Variants in DAG1 observed in about 807,000 individuals in gnomAD.
DAG1 encodes dystroglycan 1 (dystrophin-associated glycoprotein 1).
Under a neutral mutation model 46.1 loss-of-function variants are expected in DAG1, and 8 were observed. The ratio of observed to expected loss-of-function variants is 0.17; its 90% CI spans 0.10 to 0.31. DAG1 has a LOEUF of 0.31. Ranked by LOEUF, DAG1 falls within the 10% of genes least tolerant of loss-of-function variation. The probability of loss-of-function intolerance (pLI) is 1.00; values close to 1 mark genes in which losing one functional copy is unlikely to be tolerated. For missense variants in DAG1, 1,003 were observed against 1,189.9 expected (o/e 0.84, Z 2.31); for synonymous variants, 495 against 481.8 (o/e 1.03, Z -0.36).
At chr3:49,503,108 A>G (rs2050502863) in intron 1 of DAG1, among the ~76,000 whole-genome samples, 1 of 151,834 alleles carries the variant, frequency 6.6e-6, no homozygotes, top group Non-Finnish European at 1.5e-5. Flanking sequence ...ATCTCTCCAT[A>G]TATGTTTGCA....
At chr3:49,481,226 A>G (rs960789349) in intron 1 of DAG1, among the ~76,000 whole-genome samples, 12 of 148,630 alleles carry the variant, frequency 8.1e-5, no homozygotes, top group African/African-American at 3.0e-4. Context: ...CGTCTCTACT[A>G]AAAATACAAA....
chr3:49,508,321 C>T (rs772668270), intron 1 of DAG1, among the ~76,000 whole-genome samples: 1 of 151,554 alleles, frequency 6.6e-6, no homozygotes, highest in African/African-American at 2.4e-5. Context: ...CCTGCTTCAG[C>T]CTCCCGAGTA....
At chr3:49,493,938 C>T (rs1329719050) in intron 1 of DAG1, among the ~76,000 whole-genome samples, 1 of 152,230 alleles carries the variant, frequency 6.6e-6, no homozygotes, top group Non-Finnish European at 1.5e-5. Context: ...TTTGGCTCTT[C>T]TGCTCTAGCT....
intron 1 of DAG1, among the ~76,000 whole-genome samples, chr3:49,471,412 C>T (rs1445513241): frequency 6.6e-6 from 1 of 152,174 alleles, no homozygotes; most frequent in Non-Finnish European, 1.5e-5. Context: ...AGGTTCTATG[C>T]TTAGTTAAGT....
At chr3:49,509,295 T>TC (rs1234317669) in intron 1 of DAG1, among the ~76,000 whole-genome samples, 1 of 152,122 alleles carries the variant, frequency 6.6e-6, no homozygotes, top group Non-Finnish European at 1.5e-5. Flanking sequence ...ACTAGCTGAG[T>TC]GGAGTGGTGT....
chr3:49,492,427 G>A (rs559622876), intron 1 of DAG1, among the ~76,000 whole-genome samples: 3 of 152,240 alleles, frequency 2.0e-5, no homozygotes, highest in African/African-American at 7.2e-5. Context: ...TGGGAGAATT[G>A]CTTGAGCCTA....
chr3:49,480,980 C>T (rs2049863401), intron 1 of DAG1, among the ~76,000 whole-genome samples: 1 of 144,382 alleles, frequency 6.9e-6, no homozygotes, highest in South Asian at 2.2e-4. Flanking sequence ...CCAGGACGGT[C>T]TCGATCTCCT....
At chr3:49,474,928 CAGCCTCCCGAGT>C (rs1056585431) in intron 1 of DAG1, among the ~76,000 whole-genome samples, 1 of 151,684 alleles carries the variant, frequency 6.6e-6, no homozygotes, top group Admixed American at 6.6e-5. Context: ...TCTCCTGTCT[CAGCCTCCCGAGT>C]AGCTGGGACT....
intron 1 of DAG1, among the ~76,000 whole-genome samples, chr3:49,489,734 G>A (rs1172966069): frequency 6.6e-6 from 1 of 152,086 alleles, no homozygotes; most frequent in Non-Finnish European, 1.5e-5. Flanking sequence ...TGTATATTTT[G>A]TGTTTGTAAT....
At chr3:49,473,284 G>A (rs1276857574) in intron 1 of DAG1, among the ~76,000 whole-genome samples, 11 of 151,130 alleles carry the variant, frequency 7.3e-5, no homozygotes, top group African/African-American at 2.2e-4. Flanking sequence ...GTGGGGTGGC[G>A]GGCGCCTGTA....
At chr3:49,508,534 G>A (rs1559563143) in intron 1 of DAG1, among the ~76,000 whole-genome samples, 1 of 152,206 alleles carries the variant, frequency 6.6e-6, no homozygotes, top group African/African-American at 2.4e-5. Flanking sequence ...AAGTAGCTGC[G>A]ACTTCAGGCG....
intron 1 of DAG1, among the ~76,000 whole-genome samples, chr3:49,479,186 ACCTT>A (rs1472950489): frequency 6.6e-6 from 1 of 151,948 alleles, no homozygotes; most frequent in African/African-American, 2.4e-5. Flanking sequence ...AGGGAAAGAA[ACCTT>A]CCTTCCATCT....
At chr3:49,518,458 G>A (rs2050950144) in intron 2 of DAG1, among the ~76,000 whole-genome samples, 1 of 152,206 alleles carries the variant, frequency 6.6e-6, no homozygotes, top group Non-Finnish European at 1.5e-5. Flanking sequence ...GCTGCCTGGT[G>A]TCAGTCTGTT....
intron 1 of DAG1, among the ~76,000 whole-genome samples, chr3:49,480,286 T>G (rs1386685763): frequency 2.1e-5 from 3 of 145,576 alleles, no homozygotes; most frequent in South Asian, 2.2e-4. Flanking sequence ...TTTTTTTTTT[T>G]TGGGAGACGG....
intron 2 of DAG1, among the ~76,000 whole-genome samples, chr3:49,518,661 G>C (rs1467572025): frequency 6.6e-6 from 1 of 152,202 alleles, no homozygotes; most frequent in Non-Finnish European, 1.5e-5. Flanking sequence ...CTCTTGTCCA[G>C]TCTCAGCCTG....
At chr3:49,487,324 C>T (rs1237344427) in intron 1 of DAG1, 5 of 152,264 alleles carry the variant, frequency 3.3e-5, no homozygotes, top group African/African-American at 4.8e-5. Flanking sequence ...TACGTCAAGA[C>T]CCTGGAGGGT....
chr3:49,522,475 CTT>C (rs35370244), intron 2 of DAG1, among the ~76,000 whole-genome samples: 10 of 132,034 alleles, frequency 7.6e-5, no homozygotes, highest in Non-Finnish European at 1.3e-4. Context: ...CCTCCCACCC[CTT>C]TTTTTTTTTT....
chr3:49,504,691 A>G (rs1420546250), intron 1 of DAG1, among the ~76,000 whole-genome samples: 2 of 134,064 alleles, frequency 1.5e-5, no homozygotes, highest in Admixed American at 8.5e-5. Flanking sequence ...GGTTCATGCC[A>G]TTCTCCTGCC....
intron 1 of DAG1, among the ~76,000 whole-genome samples, chr3:49,486,652 A>G (rs2050037520): frequency 6.6e-6 from 1 of 151,470 alleles, no homozygotes; most frequent in Non-Finnish European, 1.5e-5. Context: ...ACAGGTGTGC[A>G]TCACCACGCC....
Sources: allele counts gnomAD v4.1 joint callset (sites outside exome capture counted in the v4.1 genomes callset), GRCh38; gene constraint gnomAD v4.1.1; transcripts MANE v1.5; gene names NCBI Gene and HGNC (gene_info 2026-07-23, HGNC 2026-07-21).